NCALD: variants seen among roughly 807,000 people sequenced by gnomAD.
NCALD encodes the protein neurocalcin-delta.
NCALD carries 10 observed loss-of-function variants against 18.6 expected under a neutral mutation model. The ratio of observed to expected loss-of-function variants is 0.54; its 90% CI spans 0.33 to 0.91. The LOEUF is 0.91. NCALD is among the 40% of genes least tolerant of loss of function. The probability of loss-of-function intolerance (pLI) is 0.03; values close to 1 mark genes in which losing one functional copy is unlikely to be tolerated. For missense variants in NCALD, 184 were observed against 247.6 expected, an observed-to-expected ratio of 0.74 and a Z score of 1.72; for synonymous variants, 88 against 87.4, an observed-to-expected ratio of 1.01 and a Z score of -0.04.
intron 3 of NCALD, among the ~76,000 whole-genome samples, chr8:101,897,022 A>G (rs1817209242): frequency 1.3e-5 from 1 of 78,820 alleles, no homozygotes; most frequent in Admixed American, 1.5e-4. Flanking sequence ...CTGGGTATAT[A>G]CCCAAAGGAC....
intron 4 of NCALD, among the ~76,000 whole-genome samples, chr8:101,845,213 TAA>T (rs1381226603): frequency 6.6e-6 from 1 of 152,260 alleles, no homozygotes; most frequent in Admixed American, 6.5e-5. Flanking sequence ...TCAGCTGAAC[TAA>T]AGAGTGAGCC....
chr8:101,839,174 T>C (rs1814536017), intron 4 of NCALD, among the ~76,000 whole-genome samples: 1 of 152,192 alleles, frequency 6.6e-6, no homozygotes, highest in African/African-American at 2.4e-5. Context: ...AGCTGTATGT[T>C]GAACCACTGG....
intron 4 of NCALD, among the ~76,000 whole-genome samples, chr8:101,861,960 A>G (rs1431879811): frequency 6.6e-6 from 1 of 152,212 alleles, no homozygotes; most frequent in Admixed American, 6.5e-5. Flanking sequence ...CCCTCAGGGA[A>G]TTTGCAATCA....
intron 4 of NCALD, among the ~76,000 whole-genome samples, chr8:101,820,128 G>A (rs1813661163): frequency 2.0e-5 from 3 of 152,236 alleles, no homozygotes; most frequent in African/African-American, 7.2e-5. Flanking sequence ...GAATGAAGCA[G>A]AGTTGGCTGT....
intron 1 of NCALD, among the ~76,000 whole-genome samples, chr8:101,747,756 T>A (rs1367045685): frequency 1.3e-5 from 2 of 151,860 alleles, no homozygotes; most frequent in African/African-American, 4.8e-5. Context: ...TCACTCTTGT[T>A]GCCCAGGCTG....
rs1380150606 is a variant in NCALD, at chr8:101,687,721, T to G, written c.*1588A>C. On this transcript the variant is annotated 3_prime_UTR_variant, in exon 4 of 4. Coordinates refer to ENST00000220931, the MANE Select transcript of NCALD (RefSeq NM_032041.3). ...CCTTCTCTTAGTGGCAAGTTCCCCA[T>G]CAACAACCTTGAGAATTTGGGCCTC... 6.6e-6 allele frequency: 1 copy of G among 152,206 alleles called. No homozygotes were observed. The highest frequency in any genetic ancestry group is 2.4e-5 in the African/African-American group (1 of 41,460). The allele number at this position is 152,206 out of a possible 1,614,324, so 9.4% of individuals were successfully genotyped here. A position where few individuals can be genotyped will look rare whatever the true frequency, so the allele number is the denominator to read the frequency against.
chr8:102,014,598 A>G (rs911257631), intron 2 of NCALD, among the ~76,000 whole-genome samples: 4 of 152,330 alleles, frequency 2.6e-5, no homozygotes, highest in African/African-American at 9.6e-5. Context: ...AAAGTTGAAA[A>G]GTAATAAGTT....
At chr8:102,107,299 G>A (rs755674346) in intron 1 of NCALD, among the ~76,000 whole-genome samples, 3 of 143,712 alleles carry the variant, frequency 2.1e-5, no homozygotes, top group East Asian at 2.0e-4. Context: ...AGAGGCACAC[G>A]AGAGTCCTAA....
chr8:101,699,093 T>C (rs1384868500), intron 2 of NCALD, among the ~76,000 whole-genome samples: 3 of 145,898 alleles, frequency 2.1e-5, no homozygotes, highest in Non-Finnish European at 4.5e-5. Flanking sequence ...AAAAAAACCA[T>C]CAAAAAGTGG....
chr8:101,804,233 AT>A (rs1351651403), intron 4 of NCALD, among the ~76,000 whole-genome samples: 1 of 148,082 alleles, frequency 6.8e-6, no homozygotes, highest in East Asian at 2.0e-4. Context: ...AGAAAATAAT[AT>A]TTTATATTCC....
intron 1 of NCALD, among the ~76,000 whole-genome samples, chr8:102,037,876 C>A (rs1822925192): frequency 6.6e-6 from 1 of 152,126 alleles, no homozygotes; most frequent in Non-Finnish European, 1.5e-5. Context: ...AGTAAACAAT[C>A]CTGGATCTGA....
chr8:101,823,390 A>G (rs1319754771), intron 4 of NCALD, among the ~76,000 whole-genome samples: 1 of 152,204 alleles, frequency 6.6e-6, no homozygotes, highest in Admixed American at 6.5e-5. Context: ...AGAATGCTTC[A>G]ATGGTCTTCC....
chr8:102,005,947 T>C (rs1821691495), intron 2 of NCALD, among the ~76,000 whole-genome samples: 1 of 151,184 alleles, frequency 6.6e-6, no homozygotes. Context: ...AGTTAATGGG[T>C]GCAGCACACC....
At chr8:101,957,141 T>C (rs1428646854) in intron 2 of NCALD, among the ~76,000 whole-genome samples, 2 of 151,656 alleles carry the variant, frequency 1.3e-5, no homozygotes, top group Admixed American at 6.6e-5. Context: ...TAAATTCTAA[T>C]TAAACAAAAA....
intron 2 of NCALD, among the ~76,000 whole-genome samples, chr8:101,957,423 T>C (rs1270724233): frequency 6.7e-6 from 1 of 149,122 alleles, no homozygotes; most frequent in African/African-American, 2.5e-5. Flanking sequence ...CAGTCTAAAA[T>C]ACTGACTGCA....
chr8:101,694,871 A>T (rs1814914745), intron 2 of NCALD, among the ~76,000 whole-genome samples: 1 of 152,136 alleles, frequency 6.6e-6, no homozygotes, highest in Non-Finnish European at 1.5e-5. Flanking sequence ...AAATGGGAGA[A>T]GAGAGGCCCT....
chr8:101,956,929 A>G (rs929041318), intron 2 of NCALD, among the ~76,000 whole-genome samples: 10 of 152,166 alleles, frequency 6.6e-5, no homozygotes, highest in African/African-American at 2.4e-4. Context: ...AGAGATACCA[A>G]TTAGGGAAAA....
intron 2 of NCALD, among the ~76,000 whole-genome samples, chr8:101,963,079 T>C (rs1273717429): frequency 2.0e-5 from 3 of 152,204 alleles, no homozygotes; most frequent in African/African-American, 7.2e-5. Flanking sequence ...AACAGTTTAA[T>C]AGCTGGCATA....
intron 4 of NCALD, chr8:101,847,318 C>T (rs1814908227): frequency 3.9e-6 from 1 of 253,870 alleles, no homozygotes; most frequent in East Asian, 1.0e-4. Flanking sequence ...CTCACACACG[C>T]ACATGAACAC....
Sources: gnomAD v4.1 joint callset for allele counts (sites outside exome capture counted in the v4.1 genomes callset) on GRCh38, gnomAD v4.1.1 for gene constraint, MANE v1.5 for transcripts, NCBI Gene and HGNC (gene_info 2026-07-23, HGNC 2026-07-21) for gene names.